Variants in TCERG1 observed in about 807,000 individuals in gnomAD.
The protein encoded by TCERG1 is transcription elongation regulator 1, also known as TATA box binding protein (TBP)-associated factor, RNA polymerase II, S, 150kD.
TCERG1 carries 37 observed loss-of-function variants against 144.7 expected under a neutral mutation model. That is an observed-to-expected ratio of 0.26 (90% CI 0.20 to 0.34). The LOEUF (loss-of-function observed/expected upper bound fraction) is 0.34. TCERG1 is among the 10% of genes least tolerant of loss of function. The pLI, the probability that TCERG1 is intolerant of heterozygous loss-of-function variation, is 1.00. For missense variants in TCERG1, 1,027 were observed against 1,380.7 expected (o/e 0.74, Z 4.06); for synonymous variants, 492 against 458.2 (o/e 1.07, Z -0.94).
intron 16 of TCERG1, among the ~76,000 whole-genome samples, chr5:146,496,122 G>T (rs949671879): frequency 6.6e-6 from 1 of 152,180 alleles, no homozygotes; most frequent in African/African-American, 2.4e-5. Context: ...ACTGGTTAAA[G>T]CTTCAAATAT....
intron 16 of TCERG1, 31 bp downstream of exon 16, chr5:146,493,069 G>A (rs746610382): frequency 5.0e-6 from 7 of 1,405,484 alleles, no homozygotes; most frequent in Non-Finnish European, 6.9e-6. Context: ...AAATATCAAA[G>A]TGTATTTATT....
At position 146,504,019 on chromosome 5, in the gene TCERG1, C is replaced by CTTTTACT; in HGVS notation, c.2781+18_2781+24dup. 4 of 1,500,082 alleles carry CTTTTACT rather than the reference C, an allele frequency of 2.7e-6. No homozygotes were observed. Among genetic ancestry groups the CTTTTACT allele is most frequent in the Non-Finnish European group, 3.6e-6 (4 of 1,124,954 alleles). The allele number at this position is 1,500,082 out of a possible 1,614,324, so 92.9% of individuals were successfully genotyped here. On this transcript the variant is annotated intron_variant, in intron 19 of 22. Coordinates refer to ENST00000679501, the MANE Select transcript of TCERG1 (RefSeq NM_001382548.1). ...TCTGTCTGACATGGTATACGTTAAT[C>CTTTTACT]TTTTACTTTTTTTCTCTAAAGTACT...
At chr5:146,469,215 A>G (rs2150376591) in intron 6 of TCERG1, among the ~76,000 whole-genome samples, 1 of 152,268 alleles carries the variant, frequency 6.6e-6, no homozygotes, top group African/African-American at 2.4e-5. Flanking sequence ...TTATCTTCAT[A>G]AAAATAGATT....
intron 22 of TCERG1, chr5:146,510,181 A>G: frequency 3.0e-6 from 3 of 1,010,620 alleles, no homozygotes; most frequent in Non-Finnish European, 4.1e-6. Context: ...GGCAAGATTT[A>G]CCCACCCACC....
intron 16 of TCERG1, among the ~76,000 whole-genome samples, chr5:146,493,829 T>A (rs1050497133): frequency 3.3e-5 from 5 of 152,004 alleles, no homozygotes; most frequent in African/African-American, 1.2e-4. Flanking sequence ...GATGTAAGAG[T>A]AGTGGTATTA....
Position 146,507,541 on chromosome 5 carries a change from C to T in TCERG1, c.2962-332C>T, listed in dbSNP as rs1168316786. On this transcript the variant is annotated intron_variant, in intron 20 of 22. Transcript: ENST00000679501. The surrounding 1 kb of genome is among the most constrained non-coding windows in gnomAD (Gnocchi z 4.6). Reference sequence around the variant, plus strand: ...ATGGCCTCTTGTTCGGCAGTTTGTACGCTTTGTTATCCAGGTTTTGTTCCT... The same window carrying T: ...ATGGCCTCTTGTTCGGCAGTTTGTATGCTTTGTTATCCAGGTTTTGTTCCT... 1.5e-5 allele frequency: 5 copies of T among 324,910 alleles called. No individual in the cohort carries two copies. Among genetic ancestry groups the T allele is most frequent in the South Asian group, 9.3e-5 (1 of 10,740 alleles). The allele number at this position is 324,910 out of a possible 1,614,324, so 20.1% of individuals were successfully genotyped here. A position where few individuals can be genotyped will look rare whatever the true frequency, so the allele number is the denominator to read the frequency against.
intron 7 of TCERG1, 48 bp downstream of exon 7, chr5:146,469,792 G>A (rs1188975225): frequency 2.5e-5 from 32 of 1,263,910 alleles, no homozygotes; most frequent in Non-Finnish European, 3.3e-5. Flanking sequence ...ACTGTAATAA[G>A]TAGAATGGTA....
intron 9 of TCERG1, among the ~76,000 whole-genome samples, chr5:146,473,785 CTT>C (rs1233927066): frequency 1.3e-5 from 2 of 152,182 alleles, no homozygotes; most frequent in Admixed American, 6.5e-5. Flanking sequence ...ACTGTTGAGA[CTT>C]ACTGCTCAGA....
chr5:146,492,570 A>G (rs1227840396), intron 15 of TCERG1, among the ~76,000 whole-genome samples: 1 of 152,160 alleles, frequency 6.6e-6, no homozygotes, highest in African/African-American at 2.4e-5. Flanking sequence ...CAGATTCCAT[A>G]CCATTGATAT....
At position 146,471,554 on chromosome 5, in the gene TCERG1, G is replaced by C; in HGVS notation, c.1579G>C (p.Ala527Pro). The stretch of plus-strand genomic sequence containing the variant: ...CCAGAAGGCAAAGCCAGTTGCTACT[G>C]CTCCTATTCCTGGTACTCCATGGTA... ...AAQKAKPVAT[A>P]PIPGTPWCVV... Residue 527 changes from alanine (A) to proline (P), a missense_variant, in exon 9 of 23, where the codon GCT becomes CCT. Physicochemically the swap from Ala to Pro is conservative, Grantham distance 27. This residue lies in a region of TCERG1 where 482 missense variants were observed against 632.6 expected (regional missense o/e 0.76). Coordinates refer to ENST00000679501, the MANE Select transcript of TCERG1 (RefSeq NM_001382548.1). The C allele has an allele frequency of 6.2e-7, 1 of 1,613,544 alleles. No homozygotes were observed. The highest frequency in any genetic ancestry group is 8.5e-7 in the Non-Finnish European group (1 of 1,179,748).
chr5:146,462,907 A>G (rs1763460011), intron 4 of TCERG1, among the ~76,000 whole-genome samples: 1 of 152,208 alleles, frequency 6.6e-6, no homozygotes, highest in African/African-American at 2.4e-5. Flanking sequence ...TAATAGTAAA[A>G]TGTGAAAGAG....
intron 16 of TCERG1, among the ~76,000 whole-genome samples, chr5:146,496,245 C>G (rs1766891084): frequency 6.6e-6 from 1 of 152,056 alleles, no homozygotes; most frequent in African/African-American, 2.4e-5. Context: ...TTTTATTTAA[C>G]CTGTTTGGAG....
chr5:146,468,184 A>C (rs1333971403), intron 5 of TCERG1, among the ~76,000 whole-genome samples, 157 bp from the exon 6 acceptor site: 4 of 152,326 alleles, frequency 2.6e-5, no homozygotes, highest in Non-Finnish European at 5.9e-5. Context: ...AGCACTTCCC[A>C]CAAAATGTCA....
chr5:146,448,645 G>A (rs1287892430), intron 1 of TCERG1, among the ~76,000 whole-genome samples: 1 of 152,174 alleles, frequency 6.6e-6, no homozygotes, highest in Admixed American at 6.5e-5. Context: ...GGTTTTAGAA[G>A]AGGAAAATGC....
At chr5:146,473,066 G>A (rs1228845861) in intron 9 of TCERG1, among the ~76,000 whole-genome samples, 1 of 144,910 alleles carries the variant, frequency 6.9e-6, no homozygotes, top group Non-Finnish European at 1.5e-5. Context: ...TAGTAAGGAA[G>A]GCATGTCAAA....
At chr5:146,457,001 TGTTTCTTTCTA>T (rs1762885185) in intron 2 of TCERG1, among the ~76,000 whole-genome samples, 171 bp from the exon 3 acceptor site, 1 of 152,230 alleles carries the variant, frequency 6.6e-6, no homozygotes, top group African/African-American at 2.4e-5. Context: ...TAGTTTGATG[TGTTTCTTTCTA>T]GTTTGTTTGG....
chr5:146,460,639 T>A (rs1271639752), intron 4 of TCERG1, among the ~76,000 whole-genome samples: 2 of 152,140 alleles, frequency 1.3e-5, no homozygotes, highest in South Asian at 2.1e-4. Flanking sequence ...GGCTTCAAAT[T>A]TGAATTTATT....
chr5:146,493,140 T>C (rs939071300), intron 16 of TCERG1, 102 bp downstream of exon 16: 3 of 813,094 alleles, frequency 3.7e-6, no homozygotes, highest in Non-Finnish European at 5.7e-6. Context: ...ATTTGGGCAC[T>C]AAAAGCTCCT....
intron 15 of TCERG1, among the ~76,000 whole-genome samples, chr5:146,485,701 C>T (rs6874842): frequency 0.27 from 40,632 of 151,962 alleles, 6,632 homozygotes; most frequent in East Asian, 0.83. Context: ...TTTTATGCAT[C>T]TATTTATTTA....
Sources: gnomAD v4.1 joint callset for allele counts (sites outside exome capture counted in the v4.1 genomes callset) on GRCh38, gnomAD v4.1.1 for gene constraint, gnomAD v4.1.1 regional missense constraint, Gnocchi (gnomAD v3.1) non-coding constraint, MANE v1.5 for transcripts, NCBI Gene and HGNC (gene_info 2026-07-23, HGNC 2026-07-21) for gene names.